The following CAMTA1 variants were observed in gnomAD, a reference collection of about 807,000 sequenced individuals.
The protein encoded by CAMTA1 is calmodulin-binding transcription activator 1.
CAMTA1 carries 27 observed loss-of-function variants against 170.9 expected under a neutral mutation model. The ratio of observed to expected loss-of-function variants is 0.16; its 90% CI spans 0.12 to 0.22. The LOEUF (loss-of-function observed/expected upper bound fraction) is 0.22. Among genes scored for constraint, CAMTA1 ranks in the 10% least tolerant of loss-of-function variants. The pLI, the probability that CAMTA1 is intolerant of heterozygous loss-of-function variation, is 1.00. For synonymous variants in CAMTA1, 833 were observed against 891.5 expected, an observed-to-expected ratio of 0.93 and a Z score of 1.17; for missense variants, 1,619 against 2,217.2, an observed-to-expected ratio of 0.73 and a Z score of 5.42.
rs949370530 is a variant in CAMTA1, at chr1:7,633,063, AAC to A, written c.511-7333_511-7332del. Among the ~76,000 whole-genome samples the A allele has an allele frequency of 5.6e-4, 85 of 152,288 alleles. No individual in the cohort carries two copies. The highest frequency in any genetic ancestry group is 1.9e-3 in the African/African-American group (80 of 41,568). ...CAGGCTAGCACTAAAGGGCCTGCTT[AAC>A]ACAGAGCAGGCATTCTCTGCAGAAT... On this transcript the variant is annotated intron_variant, in intron 6 of 22. Transcript: ENST00000303635. This position sits in a 1 kb window ranked among gnomAD's most constrained non-coding sequence, Gnocchi z 4.1.
intron 3 of CAMTA1, among the ~76,000 whole-genome samples, chr1:6,902,084 T>TAAAAAGA (rs143405526): frequency 9.5e-6 from 1 of 105,012 alleles, no homozygotes; most frequent in Admixed American, 9.0e-5. Context: ...AAAAAAAAAA[T>TAAAAAGA]AAAAATAAAA....
Position 6,934,850 on chromosome 1 carries a change from C to A in CAMTA1, c.234+109640C>A, listed in dbSNP as rs1430156430. 2.0e-5 allele frequency among the ~76,000 whole-genome samples: 3 copies of A among 152,146 alleles called. No homozygotes were observed. The highest frequency in any genetic ancestry group is 2.0e-4 in the Admixed American group (3 of 15,280). On this transcript the variant is annotated intron_variant, in intron 3 of 22. Transcript: ENST00000303635. The surrounding 1 kb of genome is among the most constrained non-coding windows in gnomAD (Gnocchi z 4.5). ...TCCGAGGACTGCTCACTTGAGGCTT[C>A]CCCTGGGGAGAAGGAGCTGTTAAAC...
intron 3 of CAMTA1, among the ~76,000 whole-genome samples, chr1:6,943,438 G>A (rs1169383601): frequency 6.6e-6 from 1 of 152,098 alleles, no homozygotes; most frequent in African/African-American, 2.4e-5. Flanking sequence ...GAAATAGGTG[G>A]CGCCCCACAC....
intron 11 of CAMTA1, among the ~76,000 whole-genome samples, chr1:7,690,922 G>A (rs1264179025): frequency 1.3e-5 from 2 of 152,332 alleles, no homozygotes; most frequent in Middle Eastern, 3.4e-3. Flanking sequence ...GCCTGTCCTT[G>A]CTTCCCGGTT....
At chr1:7,445,096 T>G (rs1175064837) in intron 5 of CAMTA1, among the ~76,000 whole-genome samples, 52 of 130,794 alleles carry the variant, frequency 4.0e-4, no homozygotes, top group African/African-American at 5.8e-4. Context: ...AGGTGGGAGG[T>G]GGGAGGGGTG....
In CAMTA1 at chr1:7,745,008, T is replaced by G; in HGVS notation, c.4356T>G (p.Ser1452Arg). The change falls in exon 17 of 23, where the codon AGT (serine) becomes AGG (arginine). Residue 1452 changes from serine to arginine, a missense_variant. Coordinates refer to ENST00000303635, the MANE Select transcript of CAMTA1 (RefSeq NM_015215.4). ...TAGCGGATGCTGACTGCCTTCCCAG[T>G]GCTGCCCAGATCCGGTGAGTAAAGT... Reference protein sequence around the residue: ...SYLADADCLPSAAQIRSAYNE... With the variant: ...SYLADADCLPRAAQIRSAYNE... 1 of 1,613,256 alleles carries G rather than the reference T, an allele frequency of 6.2e-7. No homozygotes were observed. The highest frequency in any genetic ancestry group is 8.5e-7 in the Non-Finnish European group (1 of 1,179,586).
intron 3 of CAMTA1, among the ~76,000 whole-genome samples, chr1:6,996,478 T>C (rs12130593): frequency 0.15 from 23,519 of 152,176 alleles, 2,041 homozygotes; most frequent in South Asian, 0.25. Context: ...AGAGATCAGC[T>C]GGAGATTGAG....
At chr1:7,487,772 GC>G (rs1489983541) in intron 6 of CAMTA1, among the ~76,000 whole-genome samples, 1 of 152,104 alleles carries the variant, frequency 6.6e-6, no homozygotes, top group African/African-American at 2.4e-5. Context: ...CATTCTTATC[GC>G]CCCCCAGAGG....
intron 3 of CAMTA1, among the ~76,000 whole-genome samples, chr1:6,835,507 C>A (rs750498801): frequency 1.7e-4 from 26 of 152,226 alleles, no homozygotes; most frequent in Non-Finnish European, 2.9e-4. Context: ...TCAGAATCAC[C>A]TGGGAGGCTT....
intron 5 of CAMTA1, among the ~76,000 whole-genome samples, chr1:7,397,290 A>G (rs1180974657): frequency 6.6e-6 from 1 of 152,012 alleles, no homozygotes; most frequent in African/African-American, 2.4e-5. Context: ...GTTGTTCATA[A>G]TAGTCTCTTA....
intron 1 of CAMTA1, among the ~76,000 whole-genome samples, chr1:6,804,912 GT>G (rs1365553368): frequency 6.6e-6 from 1 of 152,024 alleles, no homozygotes; most frequent in East Asian, 1.9e-4. Flanking sequence ...ACCACATTTT[GT>G]TTATCCATTC....
In CAMTA1 at chr1:7,530,812, G is replaced by GTTTTT. The variant is rs34013817; in HGVS notation, c.510+62927_510+62931dup. Among the ~76,000 whole-genome samples, 90 of 100,754 alleles carry GTTTTT rather than the reference G, an allele frequency of 8.9e-4. 3 individuals are homozygous for GTTTTT. The highest frequency in any genetic ancestry group is 3.7e-3 in the East Asian group (12 of 3,238). 66.1% of individuals were successfully genotyped at this position (100,754 alleles called of 152,430 possible). ...AGTATGTCCAGCACTGTGAGCTCTTGTTTTTTTTTTTTTTTTTTTTGAGAC... is the reference window on the plus strand; with the variant it reads ...AGTATGTCCAGCACTGTGAGCTCTTGTTTTTTTTTTTTTTTTTTTTTTTTTGAGAC... On this transcript the variant is annotated intron_variant, in intron 6 of 22. Coordinates refer to ENST00000303635, the MANE Select transcript of CAMTA1 (RefSeq NM_015215.4).
At chr1:6,999,963 G>A (rs967034880) in intron 3 of CAMTA1, among the ~76,000 whole-genome samples, 3 of 152,204 alleles carry the variant, frequency 2.0e-5, no homozygotes, top group Non-Finnish European at 4.4e-5. Flanking sequence ...AGCCTCTATT[G>A]CAAGTCCCCC....
intron 3 of CAMTA1, among the ~76,000 whole-genome samples, chr1:6,902,074 A>ACACACACACACACAC (rs1553180447): frequency 2.6e-3 from 194 of 75,716 alleles, no homozygotes; most frequent in African/African-American, 6.2e-3. Flanking sequence ...CACACACACA[A>ACACACACACACACAC]AAAAAAAAAT....
At chr1:7,656,506 A>T (rs975737679) in intron 7 of CAMTA1, among the ~76,000 whole-genome samples, 3 of 152,244 alleles carry the variant, frequency 2.0e-5, no homozygotes, top group African/African-American at 4.8e-5. Context: ...ATACAGTCAC[A>T]TTGGTGGTTA....
intron 6 of CAMTA1, among the ~76,000 whole-genome samples, chr1:7,590,572 C>T (rs1438144730): frequency 6.6e-6 from 1 of 152,206 alleles, no homozygotes; most frequent in Admixed American, 6.5e-5. Context: ...GCTGGAGGTG[C>T]CCCCACCCAC....
chr1:7,670,459 G>A (rs909414692), intron 9 of CAMTA1, among the ~76,000 whole-genome samples: 1 of 152,178 alleles, frequency 6.6e-6, no homozygotes, highest in Non-Finnish European at 1.5e-5. Flanking sequence ...GGGCTGACAC[G>A]GAGATGCTCA....
intron 11 of CAMTA1, among the ~76,000 whole-genome samples, chr1:7,700,497 C>T (rs1319712594): frequency 2.0e-5 from 3 of 152,166 alleles, no homozygotes; most frequent in East Asian, 3.8e-4. Flanking sequence ...TTAGATTATA[C>T]TGCAGTAACA....
chr1:7,576,412 T>C (rs1225728578), intron 6 of CAMTA1, among the ~76,000 whole-genome samples: 1 of 152,084 alleles, frequency 6.6e-6, no homozygotes, highest in East Asian at 1.9e-4. Flanking sequence ...GAAGTGGGGA[T>C]TTGGAGCGTT....
Sources: allele counts gnomAD v4.1 joint callset (sites outside exome capture counted in the v4.1 genomes callset), GRCh38; gene constraint gnomAD v4.1.1; non-coding constraint Gnocchi (gnomAD v3.1); transcripts MANE v1.5; gene names NCBI Gene and HGNC (gene_info 2026-07-23, HGNC 2026-07-21).